NIN: variants seen among roughly 807,000 people sequenced by gnomAD.
The protein encoded by NIN is ninein.
In NIN, 137 loss-of-function variants were observed where a neutral mutation model predicts 257.6. The ratio of observed to expected loss-of-function variants is 0.53; its 90% CI spans 0.46 to 0.61. The LOEUF (loss-of-function observed/expected upper bound fraction) is 0.61. Among genes scored for constraint, NIN ranks in the 20% least tolerant of loss-of-function variants. The probability of loss-of-function intolerance (pLI) is 0.00; values close to 1 mark genes in which losing one functional copy is unlikely to be tolerated. For missense variants in NIN, 2,439 were observed against 2,501.2 expected, an observed-to-expected ratio of 0.98 and a Z score of 0.53; for synonymous variants, 918 against 919.8, an observed-to-expected ratio of 1.00 and a Z score of 0.04.
rs370690045 is a variant in NIN, at chr14:50,723,637, C to T, written c.6228G>A (p.Lys2076=). Residue 2076 remains lysine, a synonymous_variant, in exon 31 of 31, where the codon AAG becomes AAA. Transcript: ENST00000530997. ...CKNTKADAMV[K]DLYVENAQLL... ...ACTGGGCATTTTCAACATACAAGTC[C>T]TTCACCATTGCGTCTGCCTTAGTGT... is the stretch of plus-strand genomic sequence containing the variant. 5.0e-6 allele frequency: 8 copies of T among 1,613,822 alleles called. No homozygotes were observed. The South Asian group carries it at 5.5e-5, about 11-fold the overall frequency.
chr14:50,756,604 CTAAAA>C lies in NIN; in HGVS notation c.4421_4425del (p.Ile1474SerfsTer2). 6.3e-7 allele frequency: 1 copy of C among 1,588,592 alleles called. No homozygotes were observed. On this transcript the variant is annotated frameshift_variant, in exon 18 of 31. Coordinates refer to ENST00000530997, the MANE Select transcript of NIN (RefSeq NM_020921.4). LOFTEE classifies it high-confidence loss of function. ...TGAGAAAGTACATCTTTTTGCTTAA[CTAAAA>C]TAGTGACTCTCTCCTTCAACTTCCT...
intron 28 of NIN, among the ~76,000 whole-genome samples, chr14:50,733,590 G>C (rs769992395): frequency 6.6e-5 from 10 of 152,146 alleles, no homozygotes; most frequent in Non-Finnish European, 1.2e-4. Flanking sequence ...GCTTACGATG[G>C]CTAATAATGT....
At chr14:50,821,337 C>T (rs529239533) in intron 3 of NIN, among the ~76,000 whole-genome samples, 1 of 152,306 alleles carries the variant, frequency 6.6e-6, no homozygotes, top group South Asian at 2.1e-4. Context: ...TTAACATTGG[C>T]GTGCACACAC....
chr14:50,806,826 A>C lies in NIN; in HGVS notation c.184-8T>G. On this transcript the variant is annotated splice_region_variant and splice_polypyrimidine_tract_variant and intron_variant, in intron 3 of 30. Coordinates refer to ENST00000530997, the MANE Select transcript of NIN (RefSeq NM_020921.4). ...AAATTGGTCAAAATGTACCTAAAAA[A>C]AATTAAAAATAGATTTAAAGTAATT... 1 of 1,350,184 alleles carries C rather than the reference A, an allele frequency of 7.4e-7. No homozygotes were observed. The highest frequency in any genetic ancestry group is 1.1e-6 in the Non-Finnish European group (1 of 949,710). 83.6% of individuals were successfully genotyped at this position (1,350,184 alleles called of 1,614,324 possible).
At chr14:50,764,844 G>T (rs2042411708) in intron 14 of NIN, among the ~76,000 whole-genome samples, 2 of 151,992 alleles carry the variant, frequency 1.3e-5, no homozygotes, top group Admixed American at 6.5e-5. Flanking sequence ...TGGAGAAGGG[G>T]TTTCTTCCTG....
intron 27 of NIN, among the ~76,000 whole-genome samples, chr14:50,737,323 A>T (rs2041027474): frequency 1.3e-5 from 2 of 152,010 alleles, no homozygotes; most frequent in Non-Finnish European, 1.5e-5. Flanking sequence ...TGTACAAATG[A>T]GCTTGTAAAG....
chr14:50,768,734 G>A (rs2042606976), intron 12 of NIN, among the ~76,000 whole-genome samples: 1 of 152,126 alleles, frequency 6.6e-6, no homozygotes, highest in Non-Finnish European at 1.5e-5. Context: ...TTTGCAAAGG[G>A]TGGTAACAGC....
chr14:50,746,643 C>G (rs965134985), intron 22 of NIN, among the ~76,000 whole-genome samples: 1 of 152,156 alleles, frequency 6.6e-6, no homozygotes, highest in African/African-American at 2.4e-5. Context: ...AGTGCCATCA[C>G]AATCTGATGC....
At chr14:50,747,229 C>A (rs372589390) in intron 22 of NIN, among the ~76,000 whole-genome samples, 22 of 152,294 alleles carry the variant, frequency 1.4e-4, no homozygotes, top group African/African-American at 5.1e-4. Flanking sequence ...TGCCATCATG[C>A]TCTAGAACTG....
intron 22 of NIN, among the ~76,000 whole-genome samples, chr14:50,744,882 C>T (rs1002725673): frequency 6.6e-6 from 1 of 151,994 alleles, no homozygotes; most frequent in African/African-American, 2.4e-5. Context: ...TGCAGTGAGC[C>T]GAGATGACTG....
At chr14:50,813,670 A>T (rs1252517657) in intron 3 of NIN, among the ~76,000 whole-genome samples, 1 of 152,264 alleles carries the variant, frequency 6.6e-6, no homozygotes, top group African/African-American at 2.4e-5. Context: ...TAAGGAAACT[A>T]ATGTTGCATA....
At chr14:50,747,600 G>T (rs2140623764) in intron 22 of NIN, among the ~76,000 whole-genome samples, 1 of 152,216 alleles carries the variant, frequency 6.6e-6, no homozygotes, top group East Asian at 1.9e-4. Flanking sequence ...TGGGCGTGGT[G>T]ATGGGCACCT....
At position 50,720,293 on chromosome 14, in the gene NIN, A is replaced by T. The variant is rs1350009680; in HGVS notation, c.*3170T>A. ...GACTTGCTTAATACTATCACAAAGC[A>T]CTTAGCCTTGCCTTGACTGGAAATA... On this transcript the variant is annotated 3_prime_UTR_variant, in exon 31 of 31. Transcript: ENST00000530997. The T allele has an allele frequency of 4.5e-6, 1 of 221,550 alleles. No individual in the cohort carries two copies. The highest frequency in any genetic ancestry group is 9.0e-6 in the Non-Finnish European group (1 of 110,860). 13.7% of individuals were successfully genotyped at this position (221,550 alleles called of 1,614,324 possible).
chr14:50,754,428 T>C, intron 20 of NIN, 135 bp downstream of exon 20: 1 of 716,712 alleles, frequency 1.4e-6, no homozygotes, highest in Non-Finnish European at 2.3e-6. Flanking sequence ...GTTTCCATTT[T>C]CAAATTCAGA....
At position 50,758,328 on chromosome 14, in the gene NIN, T is replaced by C. The variant is rs751403628; in HGVS notation, c.2702A>G (p.Tyr901Cys). 187 of 1,614,146 alleles carry C rather than the reference T, an allele frequency of 1.2e-4. No homozygotes were observed. The highest frequency in any genetic ancestry group is 1.6e-4 in the Non-Finnish European group (185 of 1,180,048). Residue 901 changes from tyrosine to cysteine, a missense_variant, in exon 18 of 31, where the codon TAC becomes TGC. Physicochemically the swap from Tyr to Cys is radical, Grantham distance 194. Around this residue, in one of 3 missense-constraint regions of NIN, gnomAD observed 2,043 missense variants for 2,050.2 expected, o/e 1.00. Coordinates refer to ENST00000530997, the MANE Select transcript of NIN (RefSeq NM_020921.4). ...TQEREMLEKT[Y>C]KEHLNSMVVE... is the part of the protein sequence containing the mutation. ...GACCATGCTGTTCAAATGTTCTTTG[T>C]ATGTTTTCTCCAGCATCTCTCTCTC...
Position 50,723,520 on chromosome 14 carries a change from A to G in NIN, c.6345T>C (p.Asn2115=). ...GCGCTGGTGTCAGATTCCTAACTAT[A>G]TTACTGAGGCTGGCAATCTTCTCCT... The part of the protein sequence containing the change: ...LLEEKIASLS[N]IVRNLTPAPL... Residue 2115 remains asparagine, a synonymous_variant, in exon 31 of 31, where the codon AAT becomes AAC. Transcript: ENST00000530997. 6.2e-7 allele frequency: 1 copy of G among 1,613,704 alleles called. No homozygotes were observed. The highest frequency in any genetic ancestry group is 8.5e-7 in the Non-Finnish European group (1 of 1,179,826).
In NIN at chr14:50,759,019, A is replaced by G. The variant is rs556656268; in HGVS notation, c.2400-389T>C. ...ATTTTAATTAAGCATGCGTTATAGGATATCAGTCACATAAATGACACATAT... is the reference window on the plus strand; with the variant it reads ...ATTTTAATTAAGCATGCGTTATAGGGTATCAGTCACATAAATGACACATAT... On this transcript the variant is annotated intron_variant, in intron 17 of 30. Transcript: ENST00000530997. Among the ~76,000 whole-genome samples, 11 of 152,374 alleles carry G rather than the reference A, an allele frequency of 7.2e-5. No individual in the cohort carries two copies. The South Asian group carries it at 1.9e-3, about 26-fold the overall frequency.
intron 14 of NIN, among the ~76,000 whole-genome samples, chr14:50,764,388 G>C (rs1366016933): frequency 6.6e-6 from 1 of 152,162 alleles, no homozygotes; most frequent in African/African-American, 2.4e-5. Flanking sequence ...GGAGCAATTG[G>C]AACTATCATA....
intron 3 of NIN, among the ~76,000 whole-genome samples, chr14:50,810,066 C>G (rs1288211570): frequency 6.6e-6 from 1 of 151,934 alleles, no homozygotes; most frequent in Non-Finnish European, 1.5e-5. Context: ...CCCATCTCTA[C>G]TAAAAACACA....
Sources: allele counts gnomAD v4.1 joint callset (sites outside exome capture counted in the v4.1 genomes callset), GRCh38; gene constraint gnomAD v4.1.1; regional missense constraint gnomAD v4.1.1; transcripts MANE v1.5; gene names NCBI Gene and HGNC (gene_info 2026-07-23, HGNC 2026-07-21).